Variants in KCNMB2 observed in about 807,000 individuals in gnomAD.
KCNMB2 encodes the protein potassium calcium-activated channel subfamily M regulatory beta subunit 2, also known as calcium-activated potassium channel subunit beta-2.
In KCNMB2, 9 loss-of-function variants were observed where a neutral mutation model predicts 24.5. The observed-to-expected ratio is 0.37, with a 90% confidence interval of 0.22 to 0.64. The LOEUF (loss-of-function observed/expected upper bound fraction) is 0.64. KCNMB2 is among the 30% of genes least tolerant of loss of function. The probability of loss-of-function intolerance (pLI) is 0.63; values close to 1 mark genes in which losing one functional copy is unlikely to be tolerated. For missense variants in KCNMB2, 226 were observed against 284.3 expected (o/e 0.79, Z 1.47); for synonymous variants, 109 against 104.4 (o/e 1.04, Z -0.27).
chr3:178,629,061 T>A (rs1719220189), intron 1 of KCNMB2, among the ~76,000 whole-genome samples: 1 of 152,156 alleles, frequency 6.6e-6, no homozygotes, highest in South Asian at 2.1e-4. Context: ...AGACCTCTCC[T>A]TTTCTATAAT....
chr3:178,786,523 C>A (rs540878936), intron 1 of KCNMB2, among the ~76,000 whole-genome samples: 1 of 152,094 alleles, frequency 6.6e-6, no homozygotes, highest in African/African-American at 2.4e-5. Context: ...GAAATGCAGC[C>A]CATAGAAATC....
chr3:178,826,664 T>C (rs1199164754), intron 3 of KCNMB2, among the ~76,000 whole-genome samples: 1 of 152,198 alleles, frequency 6.6e-6, no homozygotes, highest in East Asian at 1.9e-4. Context: ...CCTTTTCAAA[T>C]GAAAAATTGA....
intron 4 of KCNMB2, among the ~76,000 whole-genome samples, chr3:178,829,883 C>T (rs1439904624): frequency 6.6e-6 from 1 of 152,102 alleles, no homozygotes; most frequent in East Asian, 1.9e-4. Context: ...TTATTGGCCC[C>T]ACTATCTTGT....
chr3:178,669,954 T>C (rs1317992529), intron 1 of KCNMB2, among the ~76,000 whole-genome samples: 2 of 151,936 alleles, frequency 1.3e-5, no homozygotes, highest in Non-Finnish European at 2.9e-5. Context: ...CAAGAAAAGT[T>C]TCACTTTTAG....
intron 1 of KCNMB2, among the ~76,000 whole-genome samples, chr3:178,715,351 GT>G (rs942204843): frequency 2.8e-5 from 4 of 144,738 alleles, no homozygotes; most frequent in Non-Finnish European, 4.6e-5. Context: ...TTTCGTTGTT[GT>G]TTTTGTTTTT....
At chr3:178,675,884 T>C (rs1436218013) in intron 1 of KCNMB2, among the ~76,000 whole-genome samples, 1 of 152,152 alleles carries the variant, frequency 6.6e-6, no homozygotes. Context: ...CTTAATAATA[T>C]CAACCAGTTC....
intron 1 of KCNMB2, among the ~76,000 whole-genome samples, chr3:178,737,120 A>G (rs531319453): frequency 4.6e-5 from 7 of 152,246 alleles, no homozygotes; most frequent in African/African-American, 1.7e-4. Flanking sequence ...AAATACAAAA[A>G]TTAGCCAGGC....
intron 1 of KCNMB2, among the ~76,000 whole-genome samples, chr3:178,800,151 GGAA>G (rs1407878847): frequency 6.6e-6 from 1 of 151,974 alleles, no homozygotes; most frequent in East Asian, 1.9e-4. Flanking sequence ...CAAAAACACA[GGAA>G]AACAGAGCAA....
intron 1 of KCNMB2, among the ~76,000 whole-genome samples, chr3:178,745,710 C>T (rs1256987016): frequency 1.3e-5 from 2 of 152,218 alleles, no homozygotes; most frequent in African/African-American, 2.4e-5. Flanking sequence ...GGGGGTACAG[C>T]ATTGGGTAAA....
chr3:178,562,808 G>T (rs1716372119), intron 1 of KCNMB2, among the ~76,000 whole-genome samples: 1 of 152,196 alleles, frequency 6.6e-6, no homozygotes, highest in Non-Finnish European at 1.5e-5. Context: ...TTTAGCAGGG[G>T]TCTTAAACAT....
intron 1 of KCNMB2, among the ~76,000 whole-genome samples, chr3:178,674,177 C>A (rs113758142): frequency 6.6e-6 from 1 of 151,864 alleles, no homozygotes; most frequent in African/African-American, 2.4e-5. Flanking sequence ...TACTCCTCAT[C>A]TCTTCTACCT....
At chr3:178,785,640 G>T (rs986516542) in intron 1 of KCNMB2, among the ~76,000 whole-genome samples, 3 of 152,030 alleles carry the variant, frequency 2.0e-5, no homozygotes, top group Admixed American at 6.6e-5. Context: ...GGGGTTCTGT[G>T]ATTCTGCTAC....
chr3:178,695,434 C>T (rs7642345), intron 1 of KCNMB2, among the ~76,000 whole-genome samples: 1 of 152,088 alleles, frequency 6.6e-6, no homozygotes, highest in South Asian at 2.1e-4. Flanking sequence ...TTCTCCCCCA[C>T]GAAGTGGGTT....
At chr3:178,715,470 T>C (rs1168093361) in intron 1 of KCNMB2, among the ~76,000 whole-genome samples, 1 of 151,144 alleles carries the variant, frequency 6.6e-6, no homozygotes, top group African/African-American at 2.4e-5. Flanking sequence ...GCCATTCCTC[T>C]GAAGTTCACC....
chr3:178,610,331 A>G (rs1171787559), intron 1 of KCNMB2, among the ~76,000 whole-genome samples: 1 of 152,056 alleles, frequency 6.6e-6, no homozygotes, highest in Non-Finnish European at 1.5e-5. Context: ...GAATCTGTAG[A>G]TTGTTTTGGG....
At chr3:178,615,307 T>A (rs1425501569) in intron 1 of KCNMB2, among the ~76,000 whole-genome samples, 5 of 152,234 alleles carry the variant, frequency 3.3e-5, no homozygotes, top group African/African-American at 1.2e-4. Context: ...TCTCTGGGGC[T>A]CTACAGTCAG....
chr3:178,728,277 T>C (rs1391375022), intron 1 of KCNMB2, among the ~76,000 whole-genome samples: 1 of 152,122 alleles, frequency 6.6e-6, no homozygotes, highest in African/African-American at 2.4e-5. Flanking sequence ...CTAACAGTAT[T>C]CACATCTTTA....
At chr3:178,606,437 A>G (rs139154817) in intron 1 of KCNMB2, among the ~76,000 whole-genome samples, 5 of 148,324 alleles carry the variant, frequency 3.4e-5, no homozygotes, top group African/African-American at 1.2e-4. Flanking sequence ...GCCTGGACTT[A>G]TTTTGAATGT....
At chr3:178,824,010 C>T (rs527553252) in intron 2 of KCNMB2, among the ~76,000 whole-genome samples, 10 of 152,232 alleles carry the variant, frequency 6.6e-5, no homozygotes, top group African/African-American at 2.4e-4. Context: ...TTCCCATTTC[C>T]ACTGCCCTGC....
Sources: gnomAD v4.1 joint callset for allele counts (sites outside exome capture counted in the v4.1 genomes callset) on GRCh38, gnomAD v4.1.1 for gene constraint, MANE v1.5 for transcripts, NCBI Gene and HGNC (gene_info 2026-07-23, HGNC 2026-07-21) for gene names.